The following DAB1 variants were observed in gnomAD, a reference collection of about 807,000 sequenced individuals.
The protein encoded by DAB1 is disabled homolog 1.
DAB1 carries 15 observed loss-of-function variants against 64.6 expected under a neutral mutation model. The ratio of observed to expected loss-of-function variants is 0.23; its 90% confidence interval spans 0.16 to 0.36. The LOEUF is 0.36. DAB1 is among the 10% of genes least tolerant of loss of function. DAB1 has a pLI of 1.00. For missense variants in DAB1, 596 were observed against 706.7 expected (o/e 0.84, Z 1.78); for synonymous variants, 235 against 251.9 (o/e 0.93, Z 0.64).
chr1:57,789,601 T>C (rs1418992954), intron 6 of DAB1, among the ~76,000 whole-genome samples: 2 of 152,136 alleles, frequency 1.3e-5, no homozygotes, highest in Admixed American at 1.3e-4. Context: ...GTGTCTCTTC[T>C]TAGAAGGGGA....
At chr1:57,889,501 T>C (rs116161480) in intron 5 of DAB1, among the ~76,000 whole-genome samples, 3,122 of 152,306 alleles carry the variant, frequency 0.02, 99 homozygotes, top group African/African-American at 0.07. Flanking sequence ...AAACTAGATA[T>C]CTAAAAGGCT....
chr1:57,232,733 A>G (rs2100437352), intron 2 of DAB1, among the ~76,000 whole-genome samples: 1 of 152,286 alleles, frequency 6.6e-6, no homozygotes, highest in East Asian at 1.9e-4. Context: ...ATTAGGCACC[A>G]TGAAAGCAGA....
chr1:57,849,446 G>T (rs1016859892), intron 1 of DAB1, among the ~76,000 whole-genome samples: 1 of 152,172 alleles, frequency 6.6e-6, no homozygotes, highest in South Asian at 2.1e-4. Context: ...AAAGAGAGAG[G>T]CCATTGTCTA....
chr1:57,603,467 C>T (rs1645599562), intron 7 of DAB1, among the ~76,000 whole-genome samples: 1 of 152,204 alleles, frequency 6.6e-6, no homozygotes, highest in Admixed American at 6.5e-5. Flanking sequence ...GAAGCCTGAT[C>T]TCATCACTCT....
At chr1:57,115,013 T>C (rs1035212845) in intron 4 of DAB1, among the ~76,000 whole-genome samples, 1 of 152,156 alleles carries the variant, frequency 6.6e-6, no homozygotes, top group Non-Finnish European at 1.5e-5. Context: ...ATGTAAAGTG[T>C]GCAGTGCATG....
intron 7 of DAB1, among the ~76,000 whole-genome samples, chr1:57,464,967 G>A (rs1686907786): frequency 6.6e-6 from 1 of 151,470 alleles, no homozygotes; most frequent in Admixed American, 6.6e-5. Context: ...CTTTTTCAAA[G>A]CTCAGTTTTC....
In DAB1 at chr1:57,283,731, G is replaced by A. The variant is rs140204581; in HGVS notation, c.67+7233C>T. Among the ~76,000 whole-genome samples, 919 of 152,328 alleles carry A rather than the reference G, an allele frequency of 6.0e-3. 8 individuals carry two copies. Among genetic ancestry groups the A allele is most frequent in the Non-Finnish European group, 9.5e-3 (644 of 68,030 alleles). ...GAAGAGGAAGCAAACACCCTGAGAT[G>A]TTAATGAGGTGAATCCTAAGAACAT... On this transcript the variant is annotated intron_variant, in intron 2 of 14. Transcript: ENST00000371236.
chr1:57,348,845 A>G (rs77674549), intron 1 of DAB1, among the ~76,000 whole-genome samples: 5,766 of 152,160 alleles, frequency 0.038, 189 homozygotes, highest in South Asian at 0.17. Context: ...TTATTTCTCC[A>G]ACAAGACTCC....
Position 57,271,904 on chromosome 1 carries a change from A to C in DAB1, c.67+19060T>G, listed in dbSNP as rs549710178. Among the ~76,000 whole-genome samples the C allele has an allele frequency of 6.6e-5, 10 of 152,260 alleles. 1 individual carries two copies. The South Asian group carries it at 2.1e-3, about 32-fold the overall frequency. ...CACCATCAGAGCTGGGCTGAGCTTTACAGATTTTCACTGTCTAGAATCTGG... is the reference window on the plus strand; with the variant it reads ...CACCATCAGAGCTGGGCTGAGCTTTCCAGATTTTCACTGTCTAGAATCTGG... On this transcript the variant is annotated intron_variant, in intron 2 of 14. Transcript: ENST00000371236.
rs1553199598 is a variant in DAB1 at position 57,606,795 on chromosome 1, T to TATAGAGAG, written n.625+42796_625+42797insCTCTCTAT. On this transcript the variant is annotated intron_variant and non_coding_transcript_variant, in intron 7 of 20. Coordinates refer to the DAB1 transcript ENST00000485760. ...TAAATATATTTTATACATATATATA[T>TATAGAGAG]AGAGAGAGAGAGAGACAGATTTTCA... Among the ~76,000 whole-genome samples, 1,098 of 133,162 alleles carry TATAGAGAG rather than the reference T, an allele frequency of 8.2e-3. 10 individuals carry two copies. The highest frequency in any genetic ancestry group is 0.023 in the African/African-American group (811 of 35,232). The allele number at this position is 133,162 out of a possible 152,430, so 87.4% of individuals were successfully genotyped here.
chr1:57,831,754 G>A (rs1025441251), intron 1 of DAB1, among the ~76,000 whole-genome samples: 1 of 151,844 alleles, frequency 6.6e-6, no homozygotes, highest in African/African-American at 2.4e-5. Flanking sequence ...TGTTGCCCAG[G>A]CTGGTCTCAA....
At position 57,277,818 on chromosome 1, in the gene DAB1, C is replaced by T. The variant is rs1369168655; in HGVS notation, c.67+13146G>A. The stretch of plus-strand genomic sequence containing the variant: ...CAGTCCCGTACATCATCCTGAAATA[C>T]ATGATAAGATTCAGGTCTGCCATTC... On this transcript the variant is annotated intron_variant, in intron 2 of 14. Transcript: ENST00000371236. Among the ~76,000 whole-genome samples, 3 of 152,296 alleles carry T rather than the reference C, an allele frequency of 2.0e-5. No homozygotes were observed. The East Asian group carries it at 5.8e-4, about 29-fold the overall frequency.
chr1:58,134,617 G>A (rs1653839188), intron 5 of DAB1, among the ~76,000 whole-genome samples: 1 of 152,210 alleles, frequency 6.6e-6, no homozygotes, highest in Non-Finnish European at 1.5e-5. Flanking sequence ...AGAAGGTAAA[G>A]GAGAAGCAGG....
At chr1:57,438,384 A>G (rs1391622419) in intron 7 of DAB1, among the ~76,000 whole-genome samples, 1 of 152,136 alleles carries the variant, frequency 6.6e-6, no homozygotes, top group Non-Finnish European at 1.5e-5. Flanking sequence ...GACTCACAAG[A>G]TAGTGGTTTG....
At chr1:57,155,960 C>T (rs1487074336) in intron 2 of DAB1, among the ~76,000 whole-genome samples, 1 of 152,100 alleles carries the variant, frequency 6.6e-6, no homozygotes, top group Non-Finnish European at 1.5e-5. Context: ...ATATCATCTG[C>T]AAACAATGAT....
intron 2 of DAB1, among the ~76,000 whole-genome samples, chr1:58,517,883 T>A (rs1416957336): frequency 1.3e-5 from 2 of 151,702 alleles, no homozygotes; most frequent in African/African-American, 4.8e-5. Flanking sequence ...CTTAAAGCCT[T>A]ATCTTAAGAA....
intron 7 of DAB1, among the ~76,000 whole-genome samples, chr1:57,481,456 G>T (rs1241387882): frequency 6.6e-6 from 1 of 152,124 alleles, no homozygotes; most frequent in Admixed American, 6.6e-5. Flanking sequence ...CTAAACTGTA[G>T]CAGAGAGCCA....
At chr1:57,990,665 T>A (rs1293056716) in intron 5 of DAB1, among the ~76,000 whole-genome samples, 1 of 151,712 alleles carries the variant, frequency 6.6e-6, no homozygotes, top group Non-Finnish European at 1.5e-5. Context: ...CGGGACAGAG[T>A]AGATAAAGAC....
intron 2 of DAB1, among the ~76,000 whole-genome samples, chr1:57,162,392 T>C (rs1049596104): frequency 6.6e-6 from 1 of 152,170 alleles, no homozygotes; most frequent in Non-Finnish European, 1.5e-5. Flanking sequence ...AGCAGGAGAA[T>C]TGGATTTACT....
Sources: gnomAD v4.1 joint callset for allele counts (sites outside exome capture counted in the v4.1 genomes callset) on GRCh38, gnomAD v4.1.1 for gene constraint, MANE v1.5 for transcripts, NCBI Gene and HGNC (gene_info 2026-07-23, HGNC 2026-07-21) for gene names.